TMEM87A: variants seen among roughly 807,000 people sequenced by gnomAD.
The protein encoded by TMEM87A is transmembrane protein 87A.
A neutral mutation model predicts 90.0 loss-of-function variants in TMEM87A; 50 were observed. The observed-to-expected ratio is 0.56, with a 90% confidence interval of 0.44 to 0.70. The LOEUF (loss-of-function observed/expected upper bound fraction) is 0.70, where lower values mean the gene tolerates loss of function less well. Ranked by LOEUF, TMEM87A falls within the 30% of genes least tolerant of loss-of-function variation. TMEM87A has a pLI of 0.00. For missense variants in TMEM87A, 577 were observed against 660.5 expected, an observed-to-expected ratio of 0.87 and a Z score of 1.39; for synonymous variants, 226 against 226.7, an observed-to-expected ratio of 1.00 and a Z score of 0.03.
intron 2 of TMEM87A, among the ~76,000 whole-genome samples, chr15:42,269,664 C>T (rs556187502): frequency 2.0e-5 from 3 of 152,254 alleles, no homozygotes; most frequent in South Asian, 2.1e-4. Flanking sequence ...AGGTCGGGCG[C>T]GGTGGCTCAC....
At chr15:42,238,031 GTGTGTA>G (rs1234540327) in intron 8 of TMEM87A, among the ~76,000 whole-genome samples, 59 of 143,490 alleles carry the variant, frequency 4.1e-4, no homozygotes, top group African/African-American at 1.6e-3. Flanking sequence ...GTGTGTGTGT[GTGTGTA>G]TGTATGTATC....
intron 15 of TMEM87A, among the ~76,000 whole-genome samples, chr15:42,225,009 A>G (rs532177758): frequency 1.3e-5 from 2 of 152,360 alleles, no homozygotes; most frequent in South Asian, 4.1e-4. Context: ...GACGGATATA[A>G]AAGAAGGGTC....
At position 42,210,836 on chromosome 15, in the gene TMEM87A, T is replaced by C. The variant is rs1258015342; in HGVS notation, c.*872A>G. ...AACTTCTGAAGCATTACAGTTCCTCTAGCACGGTGCTCAATCACAGCACTT... is the reference window on the plus strand; with the variant it reads ...AACTTCTGAAGCATTACAGTTCCTCCAGCACGGTGCTCAATCACAGCACTT... On this transcript the variant is annotated 3_prime_UTR_variant, in exon 20 of 20. Coordinates refer to ENST00000389834, the MANE Select transcript of TMEM87A (RefSeq NM_015497.5). 1 of 152,674 alleles carries C rather than the reference T, an allele frequency of 6.5e-6. No individual in the cohort carries two copies. Among genetic ancestry groups the C allele is most frequent in the East Asian group, 1.9e-4 (1 of 5,198 alleles). 9.5% of individuals were successfully genotyped at this position (152,674 alleles called of 1,614,324 possible).
intron 15 of TMEM87A, among the ~76,000 whole-genome samples, chr15:42,222,561 A>AT (rs764911920): frequency 0.028 from 3,938 of 142,936 alleles, 143 homozygotes; most frequent in African/African-American, 0.087. Context: ...CTTGATTGTG[A>AT]TTTTTTTTTT....
chr15:42,269,308 C>A (rs1171832274), intron 2 of TMEM87A, among the ~76,000 whole-genome samples: 1 of 152,158 alleles, frequency 6.6e-6, no homozygotes, highest in African/African-American at 2.4e-5. Context: ...TAGGAATCTA[C>A]TTTTCATTCA....
intron 19 of TMEM87A, among the ~76,000 whole-genome samples, chr15:42,213,347 G>A (rs768563358): frequency 2.6e-5 from 4 of 152,216 alleles, no homozygotes; most frequent in African/African-American, 4.8e-5. Flanking sequence ...GCTCACTACA[G>A]CCGCTCCCCC....
intron 19 of TMEM87A, among the ~76,000 whole-genome samples, chr15:42,216,363 G>A (rs1302915914): frequency 1.3e-5 from 2 of 152,186 alleles, no homozygotes; most frequent in Admixed American, 6.5e-5. Flanking sequence ...AGTTAAGAGA[G>A]TAGATCTCAT....
At position 42,211,122 on chromosome 15, in the gene TMEM87A, T is replaced by C. The variant is rs2050276792; in HGVS notation, c.*586A>G. The C allele has an allele frequency of 6.8e-6, 1 of 146,768 alleles. No individual in the cohort carries two copies. The highest frequency in any genetic ancestry group is 2.5e-5 in the African/African-American group (1 of 40,096). 9.1% of individuals were successfully genotyped at this position (146,768 alleles called of 1,614,324 possible). A position where few individuals can be genotyped will look rare whatever the true frequency, so the allele number is the denominator to read the frequency against. The stretch of plus-strand genomic sequence containing the variant: ...TTGCTTTTTTAAATGATCTGAATCA[T>C]ACTGTAACAGTTTCTCTTTTTTTTT... On this transcript the variant is annotated 3_prime_UTR_variant, in exon 20 of 20. Coordinates refer to ENST00000389834, the MANE Select transcript of TMEM87A (RefSeq NM_015497.5).
chr15:42,236,447 C>CCA (rs2050772901), intron 9 of TMEM87A, 28 bp from the exon 10 acceptor site: 1 of 1,602,806 alleles, frequency 6.2e-7, no homozygotes, highest in African/African-American at 1.3e-5. Context: ...AGAAATGGCA[C>CCA]CATAATCTAG....
intron 6 of TMEM87A, among the ~76,000 whole-genome samples, chr15:42,246,489 C>A (rs968092531): frequency 1.3e-5 from 2 of 152,088 alleles, no homozygotes; most frequent in African/African-American, 4.8e-5. Context: ...TGTTCCCCGC[C>A]CTGTGTCCAA....
chr15:42,230,604 G>A (rs1313208318), intron 12 of TMEM87A, among the ~76,000 whole-genome samples: 2 of 152,176 alleles, frequency 1.3e-5, no homozygotes. Flanking sequence ...GTTATCTGCT[G>A]GTTGACTCTG....
At position 42,264,141 on chromosome 15, in the gene TMEM87A, A is replaced by G. The variant is rs1240865887; in HGVS notation, c.354T>C (p.Tyr118=). 9.9e-6 allele frequency: 16 copies of G among 1,613,726 alleles called. No homozygotes were observed. Among genetic ancestry groups the G allele is most frequent in the Admixed American group, 1.7e-5 (1 of 59,994 alleles). Residue 118 remains tyrosine, a synonymous_variant, in exon 4 of 20, where the codon TAT becomes TAC. Coordinates refer to ENST00000389834, the MANE Select transcript of TMEM87A (RefSeq NM_015497.5). The part of the protein sequence containing the change: ...LKEKRGLSGK[Y]QTSSKLFQNC... ...TCTGGAACAATTTTGATGATGTTTG[A>G]TATTTCCCAGACAAGCCTCTTTTTT...
chr15:42,235,430 T>A (rs2050753264), intron 10 of TMEM87A, among the ~76,000 whole-genome samples: 1 of 152,220 alleles, frequency 6.6e-6, no homozygotes, highest in Non-Finnish European at 1.5e-5. Flanking sequence ...CTTAGTTATC[T>A]AATTCAACTC....
Position 42,273,290 on chromosome 15 carries a change from C to T in TMEM87A, c.109G>A (p.Ala37Thr), listed in dbSNP as rs144133599. Residue 37 changes from alanine (A) to threonine (T), a missense_variant, in exon 1 of 20, where the codon GCC becomes ACC. Transcript: ENST00000389834. ...FSAGPATVAA[A>T]DRSKWHIPIP... ...GGAATGTGCCATTTGGACCGGTCGGCAGCAGCTACGGTTGCCGGTCCCGCA... is the reference window on the plus strand; with the variant it reads ...GGAATGTGCCATTTGGACCGGTCGGTAGCAGCTACGGTTGCCGGTCCCGCA... 9 of 1,614,200 alleles carry T rather than the reference C, an allele frequency of 5.6e-6. No homozygotes were observed. The highest frequency in any genetic ancestry group is 6.8e-6 in the Non-Finnish European group (8 of 1,180,046).
intron 8 of TMEM87A, among the ~76,000 whole-genome samples, chr15:42,239,281 T>C (rs1358794885): frequency 6.6e-6 from 1 of 152,208 alleles, no homozygotes; most frequent in African/African-American, 2.4e-5. Flanking sequence ...CCTCAAGTGA[T>C]CTGCCCGCCT....
At chr15:42,273,584 T>G, upstream of TMEM87A, 2 of 1,002,020 alleles carry the variant, frequency 2.0e-6, no homozygotes, top group Non-Finnish European at 2.8e-6. Flanking sequence ...TTGGACCTAC[T>G]GCGCAGGCGT....
chr15:42,248,078 CTGTT>C (rs1254720079), intron 6 of TMEM87A, among the ~76,000 whole-genome samples: 2 of 152,156 alleles, frequency 1.3e-5, no homozygotes, highest in Middle Eastern at 3.4e-3. Flanking sequence ...CATGATTTGG[CTGTT>C]TGTTTGTTAT....
chr15:42,267,299 C>G (rs981332959), intron 3 of TMEM87A, among the ~76,000 whole-genome samples: 1 of 152,140 alleles, frequency 6.6e-6, no homozygotes, highest in African/African-American at 2.4e-5. Flanking sequence ...GATTTCTTAT[C>G]AGAGTACAAA....
chr15:42,211,574 C>T lies in TMEM87A; in HGVS notation c.*134G>A, dbSNP rs1343623693. On this transcript the variant is annotated 3_prime_UTR_variant, in exon 20 of 20. Coordinates refer to ENST00000389834, the MANE Select transcript of TMEM87A (RefSeq NM_015497.5). The stretch of plus-strand genomic sequence containing the variant: ...TTGTTCTGACACCTCTCGCCAACTC[C>T]AATGCCCAAAGATCAAGGAACAGAT... The T allele has an allele frequency of 2.4e-6, 2 of 850,192 alleles. No individual in the cohort carries two copies. Among genetic ancestry groups the T allele is most frequent in the Non-Finnish European group, 3.7e-6 (2 of 547,106 alleles). 52.7% of individuals were successfully genotyped at this position (850,192 alleles called of 1,614,324 possible).
Sources: allele counts gnomAD v4.1 joint callset (sites outside exome capture counted in the v4.1 genomes callset), GRCh38; gene constraint gnomAD v4.1.1; transcripts MANE v1.5; gene names NCBI Gene and HGNC (gene_info 2026-07-23, HGNC 2026-07-21).